The following PTPRD variants were observed in gnomAD, a reference collection of about 807,000 sequenced individuals.
The protein encoded by PTPRD is protein tyrosine phosphatase receptor type D.
Under a neutral mutation model 214.5 loss-of-function variants are expected in PTPRD, and 34 were observed. The ratio of observed to expected loss-of-function variants is 0.16; its 90% CI spans 0.12 to 0.21. The LOEUF is 0.21. PTPRD is among the 10% of genes least tolerant of loss of function. PTPRD has a pLI of 1.00. For synonymous variants in PTPRD, 1,128 were observed against 845.7 expected (o/e 1.33, Z -5.79); for missense variants, 2,545 against 2,398.7 (o/e 1.06, Z -1.27).
chr9:9,574,937 C>A (rs1208025731), intron 7 of PTPRD, among the ~76,000 whole-genome samples, 156 bp from the exon 8 acceptor site: 1 of 152,032 alleles, frequency 6.6e-6, no homozygotes, highest in Non-Finnish European at 1.5e-5. Flanking sequence ...CAGTATTTGT[C>A]TGAAATAGCA....
At chr9:10,514,864 T>A (rs1209512679) in intron 2 of PTPRD, among the ~76,000 whole-genome samples, 1 of 152,058 alleles carries the variant, frequency 6.6e-6, no homozygotes, top group Admixed American at 6.6e-5. Flanking sequence ...GTTTACATAG[T>A]AGTTCACCAT....
chr9:9,644,688 A>G (rs1465944093), intron 7 of PTPRD, among the ~76,000 whole-genome samples: 2 of 148,662 alleles, frequency 1.3e-5, no homozygotes, highest in Non-Finnish European at 3.0e-5. Flanking sequence ...AGTTATCCCC[A>G]TTTTCCAGCC....
chr9:9,462,448 A>C (rs575829629), intron 8 of PTPRD, among the ~76,000 whole-genome samples: 2 of 152,304 alleles, frequency 1.3e-5, no homozygotes, highest in Admixed American at 6.5e-5. Flanking sequence ...CATTGTCATA[A>C]AATTATATGT....
intron 8 of PTPRD, among the ~76,000 whole-genome samples, chr9:9,572,889 C>T (rs1422582750): frequency 6.6e-6 from 1 of 151,396 alleles, no homozygotes; most frequent in South Asian, 2.1e-4. Flanking sequence ...GGATGAAAAA[C>T]CCCGGTGTCA....
intron 2 of PTPRD, among the ~76,000 whole-genome samples, chr9:10,436,800 A>T (rs1223880469): frequency 6.6e-6 from 1 of 151,826 alleles, no homozygotes; most frequent in East Asian, 1.9e-4. Context: ...CTTGTCAAAC[A>T]TTCCTCATGA....
chr9:8,438,038 AC>A (rs2095419559), intron 34 of PTPRD, among the ~76,000 whole-genome samples: 1 of 152,190 alleles, frequency 6.6e-6, no homozygotes. Flanking sequence ...CAGGGAAGCC[AC>A]TGAAGCAGGA....
intron 2 of PTPRD, among the ~76,000 whole-genome samples, chr9:10,491,179 T>C (rs937225628): frequency 2.0e-5 from 3 of 152,134 alleles, no homozygotes; most frequent in Admixed American, 6.6e-5. Context: ...ATATGAGTAA[T>C]CACAAATGAA....
intron 7 of PTPRD, among the ~76,000 whole-genome samples, chr9:9,691,279 C>T (rs1439852865): frequency 6.6e-6 from 1 of 151,948 alleles, no homozygotes; most frequent in Non-Finnish European, 1.5e-5. Flanking sequence ...ACCTCCCTCC[C>T]ACACTCCCAC....
chr9:8,781,858 A>C (rs1273137840), intron 11 of PTPRD, among the ~76,000 whole-genome samples: 1 of 152,164 alleles, frequency 6.6e-6, no homozygotes, highest in Non-Finnish European at 1.5e-5. Context: ...AGGTCCTTCC[A>C]TGTCACTCTG....
At chr9:9,535,434 AGTTTGGTGTTT>A (rs2076314426) in intron 8 of PTPRD, among the ~76,000 whole-genome samples, 1 of 152,108 alleles carries the variant, frequency 6.6e-6, no homozygotes, top group Non-Finnish European at 1.5e-5. Flanking sequence ...TTTGAATGTT[AGTTTGGTGTTT>A]GATAGTGTGA....
chr9:8,472,295 C>A (rs112100503), intron 30 of PTPRD, among the ~76,000 whole-genome samples: 2 of 152,152 alleles, frequency 1.3e-5, no homozygotes, highest in Admixed American at 6.5e-5. Context: ...CCTAAACATA[C>A]CCCCATACCT....
intron 9 of PTPRD, among the ~76,000 whole-genome samples, chr9:9,255,833 T>C (rs1157115089): frequency 1.3e-5 from 2 of 152,030 alleles, no homozygotes; most frequent in Non-Finnish European, 2.9e-5. Context: ...ATACCCAGAA[T>C]AATTCGTACC....
chr9:10,058,908 G>A (rs979456709), intron 3 of PTPRD, among the ~76,000 whole-genome samples: 2 of 152,024 alleles, frequency 1.3e-5, no homozygotes, highest in African/African-American at 4.8e-5. Flanking sequence ...AACTGAGACA[G>A]CACATAGGAT....
At chr9:8,336,176 G>C (rs907586774) in intron 43 of PTPRD, among the ~76,000 whole-genome samples, 3 of 148,688 alleles carry the variant, frequency 2.0e-5, no homozygotes, top group Non-Finnish European at 3.0e-5. Flanking sequence ...AAAGAACAAG[G>C]CTTGAGAGAT....
intron 2 of PTPRD, among the ~76,000 whole-genome samples, chr9:10,523,311 C>T (rs531296599): frequency 6.6e-6 from 1 of 151,922 alleles, no homozygotes; most frequent in East Asian, 2.0e-4. Flanking sequence ...ACTTGTGTTG[C>T]CTGCCTGGAT....
intron 4 of PTPRD, among the ~76,000 whole-genome samples, chr9:10,010,349 G>A (rs764236458): frequency 2.7e-5 from 3 of 111,330 alleles, no homozygotes; most frequent in Admixed American, 8.9e-5. Flanking sequence ...GAACATGTGC[G>A]TTTATATAAT....
intron 7 of PTPRD, among the ~76,000 whole-genome samples, chr9:9,599,296 C>G (rs1376960448): frequency 6.6e-6 from 1 of 152,048 alleles, no homozygotes; most frequent in African/African-American, 2.4e-5. Context: ...GGAGACTCAG[C>G]CTTAGAAAGG....
At chr9:8,392,531 A>C (rs2089946809) in intron 36 of PTPRD, among the ~76,000 whole-genome samples, 1 of 152,154 alleles carries the variant, frequency 6.6e-6, no homozygotes, top group Non-Finnish European at 1.5e-5. Context: ...TGTCTCAATA[A>C]AAGATAAATA....
intron 27 of PTPRD, among the ~76,000 whole-genome samples, chr9:8,491,144 G>A (rs914312542): frequency 8.5e-5 from 13 of 152,178 alleles, no homozygotes; most frequent in African/African-American, 2.9e-4. Flanking sequence ...CAGTGGGGAG[G>A]TCTTACAAAA....
Sources: allele counts gnomAD v4.1 joint callset (sites outside exome capture counted in the v4.1 genomes callset), GRCh38; gene constraint gnomAD v4.1.1; transcripts MANE v1.5; gene names NCBI Gene and HGNC (gene_info 2026-07-23, HGNC 2026-07-21).